Variants in RNLS observed in about 807,000 individuals in gnomAD.
RNLS encodes the protein renalase, FAD dependent amine oxidase.
Under a neutral mutation model 39.8 loss-of-function variants are expected in RNLS, and 39 were observed. The observed-to-expected ratio is 0.98, with a 90% CI of 0.76 to 1.28. The LOEUF (loss-of-function observed/expected upper bound fraction) is 1.28. Among genes scored for constraint, RNLS ranks in the 50% most tolerant of loss-of-function variants. The pLI is 0.00. For synonymous variants in RNLS, 147 were observed against 150.7 expected (o/e 0.98, Z 0.18); for missense variants, 410 against 413.3 (o/e 0.99, Z 0.07).
At chr10:88,292,534 C>G (rs1005222587) in intron 6 of RNLS, among the ~76,000 whole-genome samples, 1 of 150,010 alleles carries the variant, frequency 6.7e-6, no homozygotes, top group Non-Finnish European at 1.5e-5. Flanking sequence ...TCTCCTGATA[C>G]TGATCTCTTA....
the RNLS span, among the ~76,000 whole-genome samples, chr10:88,182,478 T>C: frequency 6.6e-6 from 1 of 152,148 alleles, no homozygotes; most frequent in African/African-American, 2.4e-5. Flanking sequence ...GCTATATTCA[T>C]ATCTGAAATA....
chr10:88,410,909 G>A (rs929097008), intron 4 of RNLS, among the ~76,000 whole-genome samples: 1 of 152,138 alleles, frequency 6.6e-6, no homozygotes, highest in African/African-American at 2.4e-5. Context: ...CTTGTGTATT[G>A]AGGTACTTCA....
At chr10:88,554,412 T>C (rs1271759391) in intron 4 of RNLS, among the ~76,000 whole-genome samples, 1 of 152,028 alleles carries the variant, frequency 6.6e-6, no homozygotes, top group Non-Finnish European at 1.5e-5. Flanking sequence ...GGGAAAAATA[T>C]TGACTGATTG....
At chr10:88,430,198 A>G (rs1206616346) in intron 4 of RNLS, among the ~76,000 whole-genome samples, 1 of 151,550 alleles carries the variant, frequency 6.6e-6, no homozygotes, top group Non-Finnish European at 1.5e-5. Context: ...ATAGTTTTCC[A>G]TGTATATATC....
chr10:88,548,107 A>C (rs1176472337), intron 4 of RNLS, among the ~76,000 whole-genome samples: 2 of 151,000 alleles, frequency 1.3e-5, no homozygotes, highest in South Asian at 4.2e-4. Flanking sequence ...ACTAAAATAC[A>C]AAAAATTAGC....
rs148425699 is a variant in RNLS, at chr10:88,545,541, A to G, written c.526+27362T>C. ...AAGACTTATTCACTATCACAAGTAC[A>G]GCACGGGAAAAACCTGCCCCCATGA... is the stretch of plus-strand genomic sequence containing the variant. On this transcript the variant is annotated intron_variant, in intron 4 of 6. Coordinates refer to ENST00000331772, the MANE Select transcript of RNLS (RefSeq NM_001031709.3). 240 of 443,318 alleles carry G rather than the reference A, an allele frequency of 5.4e-4. No individual in the cohort carries two copies. The East Asian group carries it at 0.012, about 22-fold the overall frequency. 27.5% of individuals were successfully genotyped at this position (443,318 alleles called of 1,614,324 possible).
At chr10:88,331,515 G>A (rs778796305) in intron 5 of RNLS, among the ~76,000 whole-genome samples, 3 of 152,210 alleles carry the variant, frequency 2.0e-5, no homozygotes, top group Non-Finnish European at 4.4e-5. Context: ...CTTACTGGGG[G>A]AAATGAAACA....
chr10:88,474,393 T>C (rs926913909), intron 4 of RNLS, among the ~76,000 whole-genome samples: 3 of 152,174 alleles, frequency 2.0e-5, no homozygotes, highest in Admixed American at 6.5e-5. Flanking sequence ...CAGCATTGCA[T>C]GGCAGTTCCC....
At chr10:88,243,842 A>G in the RNLS span, among the ~76,000 whole-genome samples, 6 of 152,162 alleles carry the variant, frequency 3.9e-5, no homozygotes, top group East Asian at 1.9e-4. Context: ...TGTTTCTCCT[A>G]TCACCCTTGG....
At chr10:88,265,772 T>A in the RNLS span, among the ~76,000 whole-genome samples, 3 of 152,192 alleles carry the variant, frequency 2.0e-5, no homozygotes, top group Non-Finnish European at 2.9e-5. Context: ...TTTAGAGTGT[T>A]GTTCTAAATA....
At chr10:88,257,555 A>G in the RNLS span, among the ~76,000 whole-genome samples, 1 of 152,200 alleles carries the variant, frequency 6.6e-6, no homozygotes, top group African/African-American at 2.4e-5. Context: ...TAAGTGAATG[A>G]CAACTGGGAA....
intron 4 of RNLS, among the ~76,000 whole-genome samples, chr10:88,538,916 G>T (rs547516939): frequency 6.6e-6 from 1 of 152,102 alleles, no homozygotes; most frequent in Admixed American, 6.6e-5. Flanking sequence ...GCCAAATAGG[G>T]TGTCTCCCAG....
Position 88,398,764 on chromosome 10 carries a change from C to A in RNLS, c.527-36039G>T, listed in dbSNP as rs140625807. On this transcript the variant is annotated intron_variant, in intron 4 of 6. Coordinates refer to ENST00000331772, the MANE Select transcript of RNLS (RefSeq NM_001031709.3). ...GTTAGGTATCAACAGAACAAACAAC[C>A]AAAGGGGGGCAAAAAGATAAATTGG... Among the ~76,000 whole-genome samples the A allele has an allele frequency of 3.6e-3, 552 of 151,864 alleles. 3 individuals are homozygous for A. Among genetic ancestry groups the A allele is most frequent in the African/African-American group, 0.013 (526 of 41,438 alleles).
At chr10:88,350,971 T>G (rs1035026848) in intron 5 of RNLS, among the ~76,000 whole-genome samples, 3 of 152,244 alleles carry the variant, frequency 2.0e-5, no homozygotes, top group African/African-American at 7.2e-5. Context: ...TTTGCATTTC[T>G]CTGATGGCCA....
chr10:88,567,565 C>T (rs764467436), intron 4 of RNLS, among the ~76,000 whole-genome samples: 12 of 152,130 alleles, frequency 7.9e-5, no homozygotes, highest in Non-Finnish European at 1.5e-4. Flanking sequence ...TATTGCCAAC[C>T]TCCATGGCAA....
intron 5 of RNLS, among the ~76,000 whole-genome samples, chr10:88,331,434 C>T (rs1190674169): frequency 2.0e-5 from 3 of 152,158 alleles, no homozygotes; most frequent in African/African-American, 4.8e-5. Flanking sequence ...TTGATTCAGT[C>T]AAATGAGCAT....
the RNLS span, among the ~76,000 whole-genome samples, chr10:88,172,832 AT>A: frequency 2.0e-5 from 1 of 51,272 alleles, no homozygotes; most frequent in Non-Finnish European, 4.2e-5. Flanking sequence ...ACTTCTGTGC[AT>A]TTTGAGTTGT....
chr10:88,391,575 T>C (rs892727303), intron 4 of RNLS, among the ~76,000 whole-genome samples: 5 of 152,056 alleles, frequency 3.3e-5, no homozygotes, highest in African/African-American at 1.2e-4. Flanking sequence ...AAAAATGTCT[T>C]GGTAGGTTAT....
chr10:88,356,211 T>C (rs1849169535), intron 5 of RNLS, among the ~76,000 whole-genome samples: 1 of 152,178 alleles, frequency 6.6e-6, no homozygotes, highest in Non-Finnish European at 1.5e-5. Flanking sequence ...CTCGGTGTCC[T>C]GCACCCACCA....
Sources: allele counts gnomAD v4.1 joint callset (sites outside exome capture counted in the v4.1 genomes callset), GRCh38; gene constraint gnomAD v4.1.1; transcripts MANE v1.5; gene names NCBI Gene and HGNC (gene_info 2026-07-23, HGNC 2026-07-21).